The following UCK2 variants were observed in gnomAD, a reference collection of about 807,000 sequenced individuals.
The protein encoded by UCK2 is uridine-cytidine kinase 2.
Under a neutral mutation model 30.8 loss-of-function variants are expected in UCK2, and 6 were observed. The observed-to-expected ratio is 0.19, with a 90% CI of 0.11 to 0.38. The LOEUF (loss-of-function observed/expected upper bound fraction) is 0.38. Ranked by LOEUF, UCK2 falls within the 10% of genes least tolerant of loss-of-function variation. The probability of loss-of-function intolerance (pLI) is 1.00; values close to 1 mark genes in which losing one functional copy is unlikely to be tolerated. For synonymous variants in UCK2, 125 were observed against 133.6 expected (o/e 0.94, Z 0.45); for missense variants, 210 against 339.8 (o/e 0.62, Z 3.00).
At chr1:165,882,126 G>C (rs1655514723) in intron 1 of UCK2, among the ~76,000 whole-genome samples, 1 of 152,210 alleles carries the variant, frequency 6.6e-6, no homozygotes, top group African/African-American at 2.4e-5. Flanking sequence ...TGCCGAAAGG[G>C]GGAAGAAACA....
intron 1 of UCK2, among the ~76,000 whole-genome samples, chr1:165,839,658 G>C (rs1215582845): frequency 6.6e-6 from 1 of 152,174 alleles, no homozygotes; most frequent in Non-Finnish European, 1.5e-5. Context: ...GCTTGATGGA[G>C]TGGAGAACGT....
chr1:165,857,358 C>T (rs905867461), intron 1 of UCK2, among the ~76,000 whole-genome samples: 1 of 152,192 alleles, frequency 6.6e-6, no homozygotes, highest in African/African-American at 2.4e-5. Context: ...TGTTGTATCT[C>T]TAGTACCTGG....
chr1:165,883,134 T>C (rs1261399953), intron 1 of UCK2, among the ~76,000 whole-genome samples: 2 of 152,154 alleles, frequency 1.3e-5, no homozygotes, highest in Non-Finnish European at 2.9e-5. Context: ...GGCTCTCAGC[T>C]CTAATTATTT....
At chr1:165,851,471 G>A (rs1199197468) in intron 1 of UCK2, among the ~76,000 whole-genome samples, 1 of 151,654 alleles carries the variant, frequency 6.6e-6, no homozygotes, top group Non-Finnish European at 1.5e-5. Context: ...TTAACATTCT[G>A]AAAGACCTCC....
At chr1:165,849,065 C>A (rs1654527042) in intron 1 of UCK2, among the ~76,000 whole-genome samples, 1 of 152,042 alleles carries the variant, frequency 6.6e-6, no homozygotes, top group African/African-American at 2.4e-5. Context: ...ATCAGCTTGG[C>A]CAACAAAGTG....
At chr1:165,871,938 A>G (rs572187110) in intron 1 of UCK2, among the ~76,000 whole-genome samples, 27 of 152,208 alleles carry the variant, frequency 1.8e-4, no homozygotes, top group Middle Eastern at 3.2e-3. Context: ...TAAGAAATAA[A>G]AGACCAATAA....
intron 1 of UCK2, among the ~76,000 whole-genome samples, chr1:165,880,907 C>T (rs773847526): frequency 6.6e-6 from 1 of 152,006 alleles, no homozygotes; most frequent in Non-Finnish European, 1.5e-5. Context: ...CGTGGTGGCT[C>T]ATGCCTGTAA....
At chr1:165,842,881 C>A (rs1328827368) in intron 1 of UCK2, among the ~76,000 whole-genome samples, 5 of 152,150 alleles carry the variant, frequency 3.3e-5, no homozygotes, top group African/African-American at 1.2e-4. Context: ...TCGGTCCTCC[C>A]CAACCCTGAG....
intron 1 of UCK2, among the ~76,000 whole-genome samples, chr1:165,848,461 A>G (rs1247076746): frequency 6.6e-6 from 1 of 152,166 alleles, no homozygotes. Context: ...GTGAAAACCC[A>G]TCTCTACAAA....
At chr1:165,870,871 G>A (rs1193024228) in intron 1 of UCK2, among the ~76,000 whole-genome samples, 3 of 152,234 alleles carry the variant, frequency 2.0e-5, no homozygotes, top group Admixed American at 1.3e-4. Context: ...CGGCTGGGGT[G>A]CAGTGGCACG....
In UCK2 at chr1:165,857,889, T is replaced by C. The variant is rs138633736; in HGVS notation, c.99+29957T>C. ...AGTGTTTACTGCACCCCATAAAAGG[T>C]TAGATCCTCCCACCAGGCCTGATCT... On this transcript the variant is annotated intron_variant, in intron 1 of 6. Transcript: ENST00000367879. 3.9e-4 allele frequency among the ~76,000 whole-genome samples: 60 copies of C among 152,220 alleles called. 2 individuals carry two copies. Among genetic ancestry groups the C allele is most frequent in the African/African-American group, 1.4e-3 (60 of 41,514 alleles).
chr1:165,831,714 C>T (rs1654051441), intron 1 of UCK2, among the ~76,000 whole-genome samples: 1 of 152,172 alleles, frequency 6.6e-6, no homozygotes, highest in African/African-American at 2.4e-5. Flanking sequence ...CACTTCAGTA[C>T]AGTACAAATC....
At chr1:165,847,790 G>GT (rs1219230605) in intron 1 of UCK2, among the ~76,000 whole-genome samples, 1 of 151,644 alleles carries the variant, frequency 6.6e-6, no homozygotes, top group Non-Finnish European at 1.5e-5. Context: ...GAAGATTAGG[G>GT]TTTTTTCTTT....
chr1:165,868,411 A>G (rs529395980), intron 1 of UCK2, among the ~76,000 whole-genome samples: 19 of 152,370 alleles, frequency 1.2e-4, no homozygotes, highest in East Asian at 5.8e-4. Flanking sequence ...CTTAGATGGC[A>G]TACTATTTTA....
intron 1 of UCK2, among the ~76,000 whole-genome samples, chr1:165,865,425 G>A (rs955943084): frequency 1.2e-4 from 18 of 152,178 alleles, no homozygotes; most frequent in Admixed American, 1.0e-3. Context: ...CATGGCAAGT[G>A]CAGCAGCAAG....
intron 1 of UCK2, among the ~76,000 whole-genome samples, chr1:165,831,434 A>G (rs865971271): frequency 4.6e-5 from 7 of 152,320 alleles, no homozygotes; most frequent in Admixed American, 3.9e-4. Flanking sequence ...GACAGGTGTA[A>G]TAACACTAAA....
chr1:165,847,964 G>A lies in UCK2; in HGVS notation c.99+20032G>A, dbSNP rs371422745. Among the ~76,000 whole-genome samples the A allele has an allele frequency of 7.0e-4, 106 of 152,218 alleles. No homozygotes were observed. In the East Asian group the frequency reaches 0.013, roughly 18 times the overall value. Reference sequence around the variant, plus strand: ...GATCTGCCCACTTTGGCCTCCCAAAGTGCTAGGATTTACAGCCATGAGCCA... The same window carrying A: ...GATCTGCCCACTTTGGCCTCCCAAAATGCTAGGATTTACAGCCATGAGCCA... On this transcript the variant is annotated intron_variant, in intron 1 of 6. Coordinates refer to ENST00000367879, the MANE Select transcript of UCK2 (RefSeq NM_012474.5).
Position 165,840,650 on chromosome 1 carries a change from AAGACCCAT to A in UCK2, c.99+12721_99+12728del, listed in dbSNP as rs929504472. Among the ~76,000 whole-genome samples the A allele has an allele frequency of 5.8e-4, 89 of 152,302 alleles. 1 individual carries two copies. The highest frequency in any genetic ancestry group is 2.1e-3 in the African/African-American group (86 of 41,582). On this transcript the variant is annotated intron_variant, in intron 1 of 6. Coordinates refer to ENST00000367879, the MANE Select transcript of UCK2 (RefSeq NM_012474.5). ...TGTGAGTTATTACTTCTTTGCTGAT[AAGACCCAT>A]AGCTAGTCAGATATTGGGCACCCTC...
intron 1 of UCK2, among the ~76,000 whole-genome samples, chr1:165,879,489 C>T (rs1009566778): frequency 2.0e-5 from 3 of 151,982 alleles, no homozygotes; most frequent in Non-Finnish European, 2.9e-5. Flanking sequence ...ACTGATAGTT[C>T]TGCCAGTTTC....
Sources: gnomAD v4.1 joint callset for allele counts (sites outside exome capture counted in the v4.1 genomes callset) on GRCh38, gnomAD v4.1.1 for gene constraint, MANE v1.5 for transcripts, NCBI Gene and HGNC (gene_info 2026-07-23, HGNC 2026-07-21) for gene names.